The following SYNRG variants were observed in gnomAD, a reference collection of about 807,000 sequenced individuals.
SYNRG encodes the protein synergin gamma, also known as AP1 gamma subunit binding protein 1.
SYNRG carries 37 observed loss-of-function variants against 130.9 expected under a neutral mutation model. That is an observed-to-expected ratio of 0.28 (90% CI 0.22 to 0.37). The LOEUF is 0.37. SYNRG is among the 10% of genes least tolerant of loss of function. The pLI is 1.00. For missense variants in SYNRG, 1,338 were observed against 1,588.9 expected, an observed-to-expected ratio of 0.84 and a Z score of 2.68; for synonymous variants, 539 against 568.1, an observed-to-expected ratio of 0.95 and a Z score of 0.73.
At chr17:37,605,242 A>C (rs2063648074) in intron 1 of SYNRG, among the ~76,000 whole-genome samples, 1 of 152,242 alleles carries the variant, frequency 6.6e-6, no homozygotes, top group Non-Finnish European at 1.5e-5. Flanking sequence ...TGATACATTC[A>C]GGAGCAATGA....
chr17:37,583,632 C>G (rs934520541), intron 6 of SYNRG, among the ~76,000 whole-genome samples: 3 of 152,150 alleles, frequency 2.0e-5, no homozygotes, highest in African/African-American at 4.8e-5. Flanking sequence ...TTTATGAAAA[C>G]TGTTCACCTA....
In SYNRG at chr17:37,568,633, G is replaced by C. The variant is rs1031506591; in HGVS notation, c.1481+158C>G. ...TTTAAGATGGACAAAGGGGAGAGAA[G>C]TTTGAAAAGTAAAAGTATTAATACA... On this transcript the variant is annotated intron_variant, in intron 11 of 21. Transcript: ENST00000612223. The C allele has an allele frequency of 2.8e-5, 21 of 744,496 alleles. No homozygotes were observed. In the African/African-American group the frequency reaches 3.7e-4, roughly 13 times the overall value. 46.1% of individuals were successfully genotyped at this position (744,496 alleles called of 1,614,324 possible). A position where few individuals can be genotyped will look rare whatever the true frequency, so the allele number is the denominator to read the frequency against.
intron 19 of SYNRG, among the ~76,000 whole-genome samples, chr17:37,527,133 A>C (rs939554492): frequency 1.3e-5 from 2 of 152,256 alleles, no homozygotes; most frequent in African/African-American, 2.4e-5. Flanking sequence ...TAAAGAATTC[A>C]TATTTCACTG....
chr17:37,579,726 A>G (rs1235235892), intron 6 of SYNRG, among the ~76,000 whole-genome samples: 1 of 152,214 alleles, frequency 6.6e-6, no homozygotes, highest in Non-Finnish European at 1.5e-5. Context: ...TATTTTAGAG[A>G]CAGGATCTTG....
chr17:37,600,155 C>T (rs1172203707), intron 2 of SYNRG, among the ~76,000 whole-genome samples: 1 of 152,122 alleles, frequency 6.6e-6, no homozygotes, highest in African/African-American at 2.4e-5. Flanking sequence ...TTGGGAGAAA[C>T]GAGGAGTGAT....
At chr17:37,601,661 T>G (rs1448246932) in intron 1 of SYNRG, among the ~76,000 whole-genome samples, 1 of 152,078 alleles carries the variant, frequency 6.6e-6, no homozygotes, top group African/African-American at 2.4e-5. Context: ...AGCTGACAAC[T>G]TTATTTTTAT....
Position 37,547,732 on chromosome 17 carries a change from G to C in SYNRG, c.2609-5167C>G, listed in dbSNP as rs1354404271. Among the ~76,000 whole-genome samples the C allele has an allele frequency of 2.0e-5, 3 of 152,142 alleles. No homozygotes were observed. In the East Asian group the frequency reaches 5.8e-4, roughly 29 times the overall value. ...CCTGCCTTCGCCTCCCAAAGTGCTGGGATTACAGGCGTGAGCCACTGTGCC... is the reference window on the plus strand; with the variant it reads ...CCTGCCTTCGCCTCCCAAAGTGCTGCGATTACAGGCGTGAGCCACTGTGCC... On this transcript the variant is annotated intron_variant, in intron 14 of 21. Coordinates refer to ENST00000612223, the MANE Select transcript of SYNRG (RefSeq NM_007247.6).
At chr17:37,567,164 T>G (rs2060059498) in intron 11 of SYNRG, 1 of 152,392 alleles carries the variant, frequency 6.6e-6, no homozygotes, top group Non-Finnish European at 1.5e-5. Context: ...TTTGGAGTCA[T>G]GCTGGCAAGG....
chr17:37,598,422 AG>A (rs1275130935), intron 2 of SYNRG, among the ~76,000 whole-genome samples: 3 of 152,284 alleles, frequency 2.0e-5, no homozygotes, highest in Admixed American at 6.5e-5. Flanking sequence ...GATTGAAAAT[AG>A]CCACAGTAAG....
intron 1 of SYNRG, among the ~76,000 whole-genome samples, chr17:37,604,395 A>G (rs2063564041): frequency 6.6e-6 from 1 of 152,206 alleles, no homozygotes; most frequent in African/African-American, 2.4e-5. Context: ...CTTAAACCTC[A>G]TAAACTGACC....
chr17:37,593,264 T>C (rs1298459324), intron 3 of SYNRG, among the ~76,000 whole-genome samples: 2 of 152,006 alleles, frequency 1.3e-5, no homozygotes, highest in Non-Finnish European at 2.9e-5. Flanking sequence ...AATACAAAAA[T>C]GAGCCAGATG....
intron 13 of SYNRG, 43 bp from the exon 14 acceptor site, chr17:37,554,102 G>T: frequency 6.4e-7 from 1 of 1,553,042 alleles, no homozygotes; most frequent in South Asian, 1.2e-5. Context: ...ATGCTGAACT[G>T]AAAACCATAT....
At chr17:37,577,142 T>C (rs2060900364) in intron 7 of SYNRG, among the ~76,000 whole-genome samples, 1 of 152,214 alleles carries the variant, frequency 6.6e-6, no homozygotes, top group South Asian at 2.1e-4. Flanking sequence ...TCAGAAATGA[T>C]TCCAATTAAG....
chr17:37,569,989 C>A (rs1300340149), intron 10 of SYNRG, among the ~76,000 whole-genome samples: 1 of 152,124 alleles, frequency 6.6e-6, no homozygotes, highest in Non-Finnish European at 1.5e-5. Flanking sequence ...TAACCTTTCT[C>A]CTCCTGTTGG....
chr17:37,517,631 T>C lies in SYNRG; in HGVS notation c.*1309A>G, dbSNP rs1410514353. 1 of 152,120 alleles carries C rather than the reference T, an allele frequency of 6.6e-6. No individual in the cohort carries two copies. Among genetic ancestry groups the C allele is most frequent in the East Asian group, 1.9e-4 (1 of 5,196 alleles). The allele number at this position is 152,120 out of a possible 1,614,324, so 9.4% of individuals were successfully genotyped here. ...TGTCCTGAGAGGGGAAAATAAATTA[T>C]GTAAAAGCAGCAATTATATAGACAA... On this transcript the variant is annotated 3_prime_UTR_variant, in exon 22 of 22. Coordinates refer to ENST00000612223, the MANE Select transcript of SYNRG (RefSeq NM_007247.6).
intron 17 of SYNRG, among the ~76,000 whole-genome samples, chr17:37,538,776 G>A (rs1185606700): frequency 6.6e-6 from 1 of 152,162 alleles, no homozygotes; most frequent in Non-Finnish European, 1.5e-5. Context: ...TGCATTTTTA[G>A]TAGAGACAGG....
At chr17:37,577,744 G>A (rs1363446864) in intron 6 of SYNRG, 131 bp from the exon 7 acceptor site, 2 of 715,168 alleles carry the variant, frequency 2.8e-6, no homozygotes, top group Non-Finnish European at 4.4e-6. Flanking sequence ...TGTCACCCAG[G>A]CTGTAGTGTA....
rs559731553 is a variant in SYNRG at position 37,594,594 on chromosome 17, T to C, written c.240+1629A>G. 2.6e-3 allele frequency among the ~76,000 whole-genome samples: 393 copies of C among 152,014 alleles called. 3 individuals are homozygous for C. The highest frequency in any genetic ancestry group is 8.7e-3 in the African/African-American group (359 of 41,462). ...TCTCCTGCTCAGCCTCCTGAGTAGC[T>C]GGGATTACAGGCATGCACCACCACG... On this transcript the variant is annotated intron_variant, in intron 3 of 21. Transcript: ENST00000612223.
chr17:37,594,126 G>A (rs1215660887), intron 3 of SYNRG, among the ~76,000 whole-genome samples: 1 of 149,136 alleles, frequency 6.7e-6, no homozygotes, highest in Non-Finnish European at 1.5e-5. Flanking sequence ...TCAGATAATT[G>A]TGTAAGTCAT....
Sources: allele counts gnomAD v4.1 joint callset (sites outside exome capture counted in the v4.1 genomes callset), GRCh38; gene constraint gnomAD v4.1.1; transcripts MANE v1.5; gene names NCBI Gene and HGNC (gene_info 2026-07-23, HGNC 2026-07-21).